The following ZNF461 variants were observed in gnomAD, a reference collection of about 807,000 sequenced individuals.
ZNF461 encodes zinc finger protein 461, also known as gonadotropin-inducible ovarian transcription factor-1.
A neutral mutation model predicts 18.3 loss-of-function variants in ZNF461; 16 were observed. That is an observed-to-expected ratio of 0.88 (90% confidence interval 0.59 to 1.33). The LOEUF (loss-of-function observed/expected upper bound fraction) is 1.33, where lower values mean the gene tolerates loss of function less well. Among genes scored for constraint, ZNF461 ranks in the 40% most tolerant of loss-of-function variants. ZNF461 has a pLI of 0.00. For synonymous variants in ZNF461, 179 were observed against 216.9 expected (o/e 0.83, Z 1.54); for missense variants, 595 against 669.9 (o/e 0.89, Z 1.23).
chr19:36,641,567 G>A (rs1021494944), intron 5 of ZNF461, among the ~76,000 whole-genome samples: 1 of 138,068 alleles, frequency 7.2e-6, no homozygotes, highest in Non-Finnish European at 1.7e-5. Flanking sequence ...ATATATATAT[G>A]TTTTTTTACC....
At chr19:36,648,825 C>T (rs2037574573) in intron 4 of ZNF461, among the ~76,000 whole-genome samples, 1 of 152,156 alleles carries the variant, frequency 6.6e-6, no homozygotes, top group Non-Finnish European at 1.5e-5. Flanking sequence ...AAGTGATCCA[C>T]CTGCTTCGGC....
intron 2 of ZNF461, among the ~76,000 whole-genome samples, chr19:36,661,769 A>C (rs2037822540): frequency 6.6e-6 from 1 of 152,180 alleles, no homozygotes; most frequent in African/African-American, 2.4e-5. Context: ...GGAAACTCAG[A>C]TCACAGGAAG....
At position 36,664,787 on chromosome 19, in the gene ZNF461, C is replaced by T. The variant is rs2037876506; in HGVS notation, c.-80-1G>A. On this transcript the variant is annotated splice_acceptor_variant, in intron 1 of 5. Coordinates refer to ENST00000588268, the MANE Select transcript of ZNF461 (RefSeq NM_153257.5). LOFTEE classifies it low-confidence loss of function (5UTR_SPLICE). ...GAAACTCAATCCAAAGAAGGTGTTGCTGGGAGAGAGGGGAGTTAAAAAAAA... is the reference window on the plus strand; with the variant it reads ...GAAACTCAATCCAAAGAAGGTGTTGTTGGGAGAGAGGGGAGTTAAAAAAAA... 8.7e-7 allele frequency: 1 copy of T among 1,146,322 alleles called. No homozygotes were observed. Among genetic ancestry groups the T allele is most frequent in the African/African-American group, 1.6e-5 (1 of 62,574 alleles). 71.0% of individuals were successfully genotyped at this position (1,146,322 alleles called of 1,614,324 possible).
rs1256757988 is a variant in ZNF461 at position 36,638,801 on chromosome 19, T to C, written c.1544A>G (p.His515Arg). Reference sequence around the variant, plus strand: ...TTTCTTTCCAGAATGAATTCTCTGATGGTGTGAGAAGCTTGAATGATAGCT... The same window carrying C: ...TTTCTTTCCAGAATGAATTCTCTGACGGTGTGAGAAGCTTGAATGATAGCT... ...AFSYHSSFSH[H>R]QRIHSGKKPY... Residue 515 changes from histidine (H) to arginine (R), a missense_variant, in exon 6 of 6, where the codon CAT becomes CGT. His to Arg is a conservative substitution (Grantham distance 29). Coordinates refer to ENST00000588268, the MANE Select transcript of ZNF461 (RefSeq NM_153257.5). 2.5e-6 allele frequency: 4 copies of C among 1,614,194 alleles called. No individual in the cohort carries two copies. The highest frequency in any genetic ancestry group is 2.2e-5 in the South Asian group (2 of 91,090).
intron 4 of ZNF461, among the ~76,000 whole-genome samples, chr19:36,653,386 T>C (rs1418225412): frequency 6.6e-6 from 1 of 152,224 alleles, no homozygotes; most frequent in Non-Finnish European, 1.5e-5. Context: ...ATTCTATTTA[T>C]GTAACATTTA....
At chr19:36,642,682 C>CT (rs577387236) in intron 5 of ZNF461, among the ~76,000 whole-genome samples, 7,864 of 90,784 alleles carry the variant, frequency 0.087, 251 homozygotes, top group Middle Eastern at 0.16. Flanking sequence ...AGTTAGACTT[C>CT]TTTTTTTTTT....
At position 36,639,884 on chromosome 19, in the gene ZNF461, T is replaced by C. The variant is rs750245864; in HGVS notation, c.461A>G (p.His154Arg). 43 of 1,612,222 alleles carry C rather than the reference T, an allele frequency of 2.7e-5. 2 individuals carry two copies. The South Asian group carries it at 4.6e-4, about 17-fold the overall frequency. ...AAAATAACCCTCCTCTTGTCCCTGATGTTGCTCAAAATGACAGTTGCCTTC... is the reference window on the plus strand; with the variant it reads ...AAAATAACCCTCCTCTTGTCCCTGACGTTGCTCAAAATGACAGTTGCCTTC... ...IWEGNCHFEQ[H>R]QGQEEGYFRQ... The change falls in exon 6 of 6, where the codon CAT becomes CGT. Residue 154 changes from histidine to arginine, a missense_variant. By Grantham distance (29) the His-to-Arg change is conservative. Coordinates refer to ENST00000588268, the MANE Select transcript of ZNF461 (RefSeq NM_153257.5).
At chr19:36,653,751 G>A (rs527725132) in intron 4 of ZNF461, among the ~76,000 whole-genome samples, 1 of 152,260 alleles carries the variant, frequency 6.6e-6, no homozygotes, top group African/African-American at 2.4e-5. Flanking sequence ...ACAACACGTG[G>A]GAATTATGGC....
Position 36,664,800 on chromosome 19 carries a change from G to A in ZNF461, c.-80-14C>T. 1.0e-6 allele frequency: 1 copy of A among 1,003,586 alleles called. No individual in the cohort carries two copies. Among genetic ancestry groups the A allele is most frequent in the Non-Finnish European group, 1.4e-6 (1 of 719,242 alleles). The allele number at this position is 1,003,586 out of a possible 1,614,324, so 62.2% of individuals were successfully genotyped here. A position where few individuals can be genotyped will look rare whatever the true frequency, so the allele number is the denominator to read the frequency against. ...AAGAAGGTGTTGCTGGGAGAGAGGGGAGTTAAAAAAAAGACAGGAGATTAT... is the reference window on the plus strand; with the variant it reads ...AAGAAGGTGTTGCTGGGAGAGAGGGAAGTTAAAAAAAAGACAGGAGATTAT... On this transcript the variant is annotated splice_polypyrimidine_tract_variant and intron_variant, in intron 1 of 5. Transcript: ENST00000588268.
chr19:36,643,159 C>T (rs2037458594), intron 5 of ZNF461: 1 of 152,168 alleles, frequency 6.6e-6, no homozygotes, highest in African/African-American at 2.4e-5. Flanking sequence ...TACATCACTT[C>T]CTTACAGACG....
chr19:36,638,338 G>T lies in ZNF461; in HGVS notation c.*315C>A, dbSNP rs184329986. 9.0e-5 allele frequency: 20 copies of T among 221,798 alleles called. No individual in the cohort carries two copies. The Admixed American group carries it at 9.3e-4, about 10-fold the overall frequency. 13.7% of individuals were successfully genotyped at this position (221,798 alleles called of 1,614,324 possible). A position where few individuals can be genotyped will look rare whatever the true frequency, so the allele number is the denominator to read the frequency against. On this transcript the variant is annotated 3_prime_UTR_variant, in exon 6 of 6. Coordinates refer to ENST00000588268, the MANE Select transcript of ZNF461 (RefSeq NM_153257.5). ...AAATACACATACTGGTTATCTCAGA[G>T]ATTTGAGGGAAGGGAGGAAATTGTT...
intron 4 of ZNF461, among the ~76,000 whole-genome samples, chr19:36,654,830 T>G (rs1038377698): frequency 1.3e-5 from 2 of 152,214 alleles, no homozygotes; most frequent in Admixed American, 6.6e-5. Context: ...ATATATTACT[T>G]TCTCTAACTT....
intron 1 of ZNF461, among the ~76,000 whole-genome samples, chr19:36,665,894 C>G (rs577622071): frequency 6.6e-6 from 1 of 151,924 alleles, no homozygotes; most frequent in Non-Finnish European, 1.5e-5. Flanking sequence ...CTACAGCTAA[C>G]TCCTCAAGTA....
chr19:36,654,914 CCT>C (rs774968111), intron 4 of ZNF461, among the ~76,000 whole-genome samples: 103 of 152,164 alleles, frequency 6.8e-4, no homozygotes, highest in African/African-American at 1.2e-3. Flanking sequence ...TTGTTGATCC[CCT>C]GTTAGATTGA....
intron 4 of ZNF461, among the ~76,000 whole-genome samples, chr19:36,648,510 TA>T (rs1238798153): frequency 1.3e-5 from 2 of 152,280 alleles, no homozygotes; most frequent in East Asian, 3.9e-4. Flanking sequence ...GTTTTTTTTT[TA>T]AATTAACCAT....
chr19:36,654,838 C>G (rs1201573812), intron 4 of ZNF461, among the ~76,000 whole-genome samples: 1 of 152,180 alleles, frequency 6.6e-6, no homozygotes, highest in Non-Finnish European at 1.5e-5. Flanking sequence ...CTTTCTCTAA[C>G]TTTCCTAATT....
At chr19:36,656,058 C>T (rs1396501003) in intron 4 of ZNF461, among the ~76,000 whole-genome samples, 2 of 140,918 alleles carry the variant, frequency 1.4e-5, no homozygotes, top group East Asian at 2.1e-4. Context: ...AGTGCTGTGG[C>T]GCGATCTCCG....
rs1454769881 is a variant in ZNF461 at position 36,639,187 on chromosome 19, T to C, written c.1158A>G (p.Glu386=). 8 of 1,613,964 alleles carry C rather than the reference T, an allele frequency of 5.0e-6. No individual in the cohort carries two copies. Among genetic ancestry groups the C allele is most frequent in the Non-Finnish European group, 6.8e-6 (8 of 1,180,024 alleles). ...QRIHTGEKPY[E]CRECGKAFSY... ...TAAAGGCCTTCCCACATTCCCGACA[T>C]TCATAGGGTTTCTCACCAGTATGAA... Residue 386 remains glutamate, a synonymous_variant, in exon 6 of 6, where the codon GAA becomes GAG. Transcript: ENST00000588268.
chr19:36,656,565 G>T (rs771210756), intron 3 of ZNF461, 22 bp from the exon 4 acceptor site: 24 of 1,568,428 alleles, frequency 1.5e-5, no homozygotes, highest in Non-Finnish European at 1.9e-5. Context: ...AAAAGAAATT[G>T]AGATGAGATG....
Sources: allele counts gnomAD v4.1 joint callset (sites outside exome capture counted in the v4.1 genomes callset), GRCh38; gene constraint gnomAD v4.1.1; transcripts MANE v1.5; gene names NCBI Gene and HGNC (gene_info 2026-07-23, HGNC 2026-07-21).